Variants in REEP5 observed in about 807,000 individuals in gnomAD.
REEP5 encodes receptor expression-enhancing protein 5.
REEP5 carries 24 observed loss-of-function variants against 22.4 expected under a neutral mutation model. The ratio of observed to expected loss-of-function variants is 1.07; its 90% CI spans 0.78 to 1.51. REEP5 has a LOEUF of 1.51. REEP5 is among the 40% of genes most tolerant of loss of function. The probability of loss-of-function intolerance (pLI) is 0.00; values close to 1 mark genes in which losing one functional copy is unlikely to be tolerated. For missense variants in REEP5, 252 were observed against 233.0 expected (o/e 1.08, Z -0.53); for synonymous variants, 103 against 88.6 (o/e 1.16, Z -0.92).
At chr5:112,890,097 G>T (rs1768388129) in intron 3 of REEP5, among the ~76,000 whole-genome samples, 2 of 150,272 alleles carry the variant, frequency 1.3e-5, no homozygotes, top group Non-Finnish European at 2.9e-5. Flanking sequence ...AAAGTGCTGG[G>T]ATTACAGGCG....
At chr5:112,887,726 A>G (rs1241311478) in intron 3 of REEP5, among the ~76,000 whole-genome samples, 1 of 152,092 alleles carries the variant, frequency 6.6e-6, no homozygotes, top group African/African-American at 2.4e-5. Context: ...GTTGTTCTTC[A>G]TCTTTCATCT....
intron 2 of REEP5, among the ~76,000 whole-genome samples, chr5:112,915,633 G>T (rs1026163993): frequency 1.3e-5 from 2 of 152,214 alleles, no homozygotes. Flanking sequence ...TTAAGTCACA[G>T]TTTGCAGAAT....
At chr5:112,917,798 T>A (rs770035588) in intron 2 of REEP5, among the ~76,000 whole-genome samples, 1 of 152,192 alleles carries the variant, frequency 6.6e-6, no homozygotes, top group African/African-American at 2.4e-5. Context: ...ATGCTCAGAA[T>A]AGGCAAACTC....
chr5:112,891,704 A>G (rs1211590843), intron 3 of REEP5: 1 of 1,614,154 alleles, frequency 6.2e-7, no homozygotes, highest in Admixed American at 1.7e-5. Flanking sequence ...CCAAGCCACA[A>G]AAAGTACAGG....
chr5:112,887,359 A>AT (rs1454823722), intron 3 of REEP5, among the ~76,000 whole-genome samples, 176 bp from the exon 4 acceptor site: 5 of 152,332 alleles, frequency 3.3e-5, no homozygotes, highest in Non-Finnish European at 7.4e-5. Flanking sequence ...AAAAAACATG[A>AT]TGAGTAATGA....
intron 1 of REEP5, 148 bp downstream of exon 1, chr5:112,921,925 G>T: frequency 9.8e-7 from 1 of 1,024,130 alleles, no homozygotes; most frequent in South Asian, 2.0e-5. Flanking sequence ...CGCTTTCCGG[G>T]AGGCCAGCCT....
intron 3 of REEP5, chr5:112,893,565 C>G (rs184738074): frequency 6.5e-6 from 1 of 153,662 alleles, no homozygotes; most frequent in East Asian, 1.9e-4. Flanking sequence ...GACTCCAAAG[C>G]TTGTTTACTG....
At chr5:112,918,986 A>T (rs952801106) in intron 2 of REEP5, among the ~76,000 whole-genome samples, 12 of 152,226 alleles carry the variant, frequency 7.9e-5, no homozygotes, top group Non-Finnish European at 1.8e-4. Flanking sequence ...AAGGACAGAG[A>T]GTATGACTAC....
intron 2 of REEP5, among the ~76,000 whole-genome samples, chr5:112,906,722 G>A (rs995881090): frequency 2.6e-5 from 4 of 152,150 alleles, no homozygotes; most frequent in Non-Finnish European, 5.9e-5. Context: ...ATACACGCCT[G>A]GGTCCTTCTT....
intron 2 of REEP5, among the ~76,000 whole-genome samples, chr5:112,909,015 T>C (rs533232099): frequency 1.3e-5 from 2 of 152,040 alleles, no homozygotes; most frequent in South Asian, 4.2e-4. Context: ...AATTGACTCA[T>C]TTTAACTTTC....
chr5:112,902,720 G>C (rs550102338), intron 2 of REEP5, among the ~76,000 whole-genome samples: 10 of 152,040 alleles, frequency 6.6e-5, no homozygotes, highest in Non-Finnish European at 1.5e-4. Flanking sequence ...CTTGTTTCTA[G>C]TCTCCTGGTC....
At chr5:112,904,074 C>T (rs561478628) in intron 2 of REEP5, among the ~76,000 whole-genome samples, 522 of 152,308 alleles carry the variant, frequency 3.4e-3, no homozygotes, top group Middle Eastern at 6.8e-3. Context: ...TCAAGCAATC[C>T]TCCTGCCTTG....
chr5:112,921,633 C>G (rs1376012499), intron 1 of REEP5: 2 of 295,684 alleles, frequency 6.8e-6, no homozygotes, highest in Non-Finnish European at 1.3e-5. Flanking sequence ...CCCGGACTCC[C>G]GCACACGCTG....
At chr5:112,894,871 CAA>C (rs941751137) in intron 3 of REEP5, 5 of 152,200 alleles carry the variant, frequency 3.3e-5, no homozygotes, top group South Asian at 4.2e-4. Flanking sequence ...AATGGATTAT[CAA>C]GAGAGAGACA....
At chr5:112,889,460 G>A (rs1045025672) in intron 3 of REEP5, among the ~76,000 whole-genome samples, 2 of 150,696 alleles carry the variant, frequency 1.3e-5, no homozygotes, top group African/African-American at 4.9e-5. Flanking sequence ...GGATGATAAA[G>A]AAGGAAAGCA....
chr5:112,903,534 C>T (rs958919783), intron 2 of REEP5, among the ~76,000 whole-genome samples: 22 of 152,284 alleles, frequency 1.4e-4, no homozygotes, highest in Admixed American at 1.3e-3. Context: ...CCACTAAAAA[C>T]TTATCCATGT....
At chr5:112,893,547 C>T (rs999124953) in intron 3 of REEP5, 2 of 153,956 alleles carry the variant, frequency 1.3e-5, no homozygotes, top group Admixed American at 6.4e-5. Context: ...CTATTCCTTA[C>T]ATTTAAAGAC....
chr5:112,916,876 T>C lies in REEP5; in HGVS notation c.212+4287A>G, dbSNP rs186931670. Among the ~76,000 whole-genome samples the C allele has an allele frequency of 4.3e-4, 66 of 152,312 alleles. 1 individual carries two copies. The highest frequency in any genetic ancestry group is 1.5e-3 in the African/African-American group (62 of 41,562). On this transcript the variant is annotated intron_variant, in intron 2 of 4. Transcript: ENST00000379638. ...GGGAATAATCATAGCACTTACATAA[T>C]AGGGTTGTTCTGAGGATTAAATGAG...
chr5:112,921,359 C>T (rs1769361065), intron 1 of REEP5, 103 bp from the exon 2 acceptor site: 2 of 1,071,552 alleles, frequency 1.9e-6, no homozygotes, highest in Admixed American at 2.0e-5. Context: ...AGGAGTTTTC[C>T]TCTCGACTCG....
Sources: gnomAD v4.1 joint callset for allele counts (sites outside exome capture counted in the v4.1 genomes callset) on GRCh38, gnomAD v4.1.1 for gene constraint, MANE v1.5 for transcripts, NCBI Gene and HGNC (gene_info 2026-07-23, HGNC 2026-07-21) for gene names.